The following TJP3 variants were observed in gnomAD, a reference collection of about 807,000 sequenced individuals.
The protein encoded by TJP3 is tight junction protein 3, also known as tight junction protein ZO-3.
In TJP3, 85 loss-of-function variants were observed where a neutral mutation model predicts 104.2. The observed-to-expected ratio is 0.82, with a 90% CI of 0.68 to 0.98. The LOEUF is 0.98. Among genes scored for constraint, TJP3 ranks in the 50% least tolerant of loss-of-function variants. The pLI is 0.00. For missense variants in TJP3, 1,367 were observed against 1,322.8 expected (o/e 1.03, Z -0.52); for synonymous variants, 550 against 550.6 (o/e 1.00, Z 0.02).
intron 15 of TJP3, among the ~76,000 whole-genome samples, chr19:3,745,133 CTTTTTTTTTTTTTTTTT>C (rs549831017): frequency 5.7e-5 from 4 of 70,042 alleles, no homozygotes; most frequent in Non-Finnish European, 9.8e-5. Flanking sequence ...AATTTTATGT[CTTTTTTTTTTTTTTTTT>C]TTTTTTTTTT....
In TJP3 at chr19:3,750,008, C is replaced by A. The variant is rs907941223; in HGVS notation, c.2611-130C>A. On this transcript the variant is annotated intron_variant, in intron 19 of 20. Coordinates refer to ENST00000541714, the MANE Select transcript of TJP3 (RefSeq NM_001267560.2). ...TTTAGATTTGGGGATGACCTGCAGA[C>A]TTGTCACGGGGTTAGCAAGTGGGCA... 4 of 1,171,432 alleles carry A rather than the reference C, an allele frequency of 3.4e-6. No individual in the cohort carries two copies. The African/African-American group carries it at 4.6e-5, about 13-fold the overall frequency. The allele number at this position is 1,171,432 out of a possible 1,614,324, so 72.6% of individuals were successfully genotyped here.
intron 20 of TJP3, among the ~76,000 whole-genome samples, 164 bp downstream of exon 20, chr19:3,750,348 G>A (rs576912379): frequency 1.3e-5 from 2 of 152,226 alleles, no homozygotes; most frequent in African/African-American, 4.8e-5. Context: ...TCAGGGCCAA[G>A]GGAGTAGGAA....
chr19:3,735,997 A>G, intron 10 of TJP3, 62 bp downstream of exon 10: 1 of 1,602,926 alleles, frequency 6.2e-7, no homozygotes, highest in African/African-American at 1.3e-5. Context: ...TGCCTCCCTC[A>G]TCAGCGCAAT....
In TJP3 at chr19:3,719,536, G is replaced by C. The variant is rs929242819; in HGVS notation, c.-9-8888G>C. ...TAATCACTTGAGGCCAGGAGTTCGA[G>C]ACCAGCCTGGCCAACATGGGGAAAC... On this transcript the variant is annotated intron_variant, in intron 1 of 20. Coordinates refer to ENST00000541714, the MANE Select transcript of TJP3 (RefSeq NM_001267560.2). Among the ~76,000 whole-genome samples the C allele has an allele frequency of 1.3e-5, 2 of 151,674 alleles. 1 individual carries two copies. The highest frequency in any genetic ancestry group is 4.8e-5 in the African/African-American group (2 of 41,248).
At chr19:3,718,455 G>T (rs1337667978) in intron 1 of TJP3, among the ~76,000 whole-genome samples, 10 of 104,884 alleles carry the variant, frequency 9.5e-5, no homozygotes, top group Admixed American at 3.1e-4. Flanking sequence ...TTTTCTTGCG[G>T]TTTTTTTTTT....
chr19:3,730,079 C>T lies in TJP3; in HGVS notation c.210C>T (p.Thr70=), dbSNP rs2036648491. Residue 70 remains threonine, a synonymous_variant, in exon 4 of 21, where the codon ACC becomes ACT. Coordinates refer to ENST00000541714, the MANE Select transcript of TJP3 (RefSeq NM_001267560.2). This position sits in a 1 kb window ranked among gnomAD's most constrained non-coding sequence, Gnocchi z 7.3. Reference sequence around the variant, plus strand: ...ACGGGGTTTCCATGGAGAATGCCACCTCCGCGTTTGCCATTCAGATACTCA... The same window carrying T: ...ACGGGGTTTCCATGGAGAATGCCACTTCCGCGTTTGCCATTCAGATACTCA... ...MVNGVSMENA[T]SAFAIQILKT... is the part of the protein sequence containing the mutation. 6.2e-7 allele frequency: 1 copy of T among 1,614,016 alleles called. No individual in the cohort carries two copies. Among genetic ancestry groups the T allele is most frequent in the Admixed American group, 1.7e-5 (1 of 59,984 alleles).
intron 1 of TJP3, among the ~76,000 whole-genome samples, chr19:3,719,897 G>T (rs928769932): frequency 2.0e-5 from 3 of 152,308 alleles, no homozygotes; most frequent in Admixed American, 2.0e-4. Context: ...AAAGGGAAGA[G>T]AACTACATGC....
At position 3,750,136 on chromosome 19, in the gene TJP3, A is replaced by C. The variant is rs1394197929; in HGVS notation, c.2611-2A>C. On this transcript the variant is annotated splice_acceptor_variant, in intron 19 of 20. Coordinates refer to ENST00000541714, the MANE Select transcript of TJP3 (RefSeq NM_001267560.2). LOFTEE classifies it high-confidence loss of function. ...GAAGCTCCTCTCTCCCTCTCCTCCA[A>C]GGTGGACAGCCGCCACCCCCAGGGA... 2 of 1,614,114 alleles carry C rather than the reference A, an allele frequency of 1.2e-6. No individual in the cohort carries two copies. Among genetic ancestry groups the C allele is most frequent in the Non-Finnish European group, 1.7e-6 (2 of 1,180,012 alleles).
chr19:3,745,911 G>A, intron 15 of TJP3, 100 bp from the exon 16 acceptor site: 1 of 964,336 alleles, frequency 1.0e-6, no homozygotes, highest in Non-Finnish European at 1.6e-6. Context: ...GCAATGGGGA[G>A]CCATGGTGGC....
chr19:3,710,263 C>T (rs765166058), intron 1 of TJP3, among the ~76,000 whole-genome samples: 11 of 144,272 alleles, frequency 7.6e-5, no homozygotes, highest in Non-Finnish European at 1.5e-4. Flanking sequence ...GGGGTCAAGA[C>T]GAGCTATCCC....
At chr19:3,714,063 T>C (rs946933302) in intron 1 of TJP3, among the ~76,000 whole-genome samples, 1 of 151,254 alleles carries the variant, frequency 6.6e-6, no homozygotes, top group Non-Finnish European at 1.5e-5. Context: ...TGTTGTTGTT[T>C]TGAGACAGAG....
intron 1 of TJP3, among the ~76,000 whole-genome samples, chr19:3,717,096 G>T (rs755785075): frequency 6.9e-6 from 1 of 145,958 alleles, no homozygotes; most frequent in South Asian, 2.3e-4. Flanking sequence ...CTCTCTAGTA[G>T]CTGGGATTAC....
At position 3,731,992 on chromosome 19, in the gene TJP3, TGGCTGCCCGGCACCGTG is replaced by T; in HGVS notation, c.678_694del (p.Arg227GlyfsTer13). On this transcript the variant is annotated frameshift_variant, in exon 6 of 21. Transcript: ENST00000541714. LOFTEE classifies it high-confidence loss of function. ...ATCAAGCACATTACAGATTCGGGCC[TGGCTGCCCGGCACCGTG>T]GGCTGCAGGAAGGAGATCTCATTCT... 6.2e-7 allele frequency: 1 copy of T among 1,613,650 alleles called. No individual in the cohort carries two copies. The highest frequency in any genetic ancestry group is 8.5e-7 in the Non-Finnish European group (1 of 1,179,876).
chr19:3,727,309 C>A (rs570815361), intron 1 of TJP3, among the ~76,000 whole-genome samples: 1 of 151,620 alleles, frequency 6.6e-6, no homozygotes, highest in Non-Finnish European at 1.5e-5. Context: ...AGTGAAACCC[C>A]GTCTCTACTA....
At chr19:3,727,198 G>T (rs983664621) in intron 1 of TJP3, among the ~76,000 whole-genome samples, 2 of 151,824 alleles carry the variant, frequency 1.3e-5, no homozygotes, top group Admixed American at 6.6e-5. Flanking sequence ...GATAGTACAT[G>T]TAAGGCTGGG....
rs143248425 is a variant in TJP3, at chr19:3,716,664, C to T, written c.-10+8103C>T. 1.4e-4 allele frequency among the ~76,000 whole-genome samples: 21 copies of T among 145,566 alleles called. No homozygotes were observed. In the East Asian group the frequency reaches 3.8e-3, roughly 26 times the overall value. On this transcript the variant is annotated intron_variant, in intron 1 of 20. Coordinates refer to ENST00000541714, the MANE Select transcript of TJP3 (RefSeq NM_001267560.2). ...TTTTTGAGACAGCGTCTAGCTCTGT[C>T]ACCCAGGCTGGAGTGCAAGGGCAAG...
At chr19:3,710,054 C>T (rs1398898334) in intron 1 of TJP3, among the ~76,000 whole-genome samples, 6 of 148,946 alleles carry the variant, frequency 4.0e-5, no homozygotes, top group Non-Finnish European at 4.4e-5. Context: ...GAGGCTGAGG[C>T]AGGAGAATTG....
At chr19:3,749,972 C>T (rs1262335715) in intron 19 of TJP3, among the ~76,000 whole-genome samples, 166 bp from the exon 20 acceptor site, 2 of 152,138 alleles carry the variant, frequency 1.3e-5, no homozygotes, top group Non-Finnish European at 2.9e-5. Context: ...ATCCCAGCCT[C>T]AGTTTTCTCA....
At position 3,746,957 on chromosome 19, in the gene TJP3, C is replaced by A; in HGVS notation, c.2322+81C>A. ...CCCAGCTGGGGTTTGGGGCCTCTGT[C>A]GGGAGTTAGGGCTTGGTCAGGGATC... On this transcript the variant is annotated intron_variant, in intron 18 of 20. Transcript: ENST00000541714. This position sits in a 1 kb window ranked among gnomAD's most constrained non-coding sequence, Gnocchi z 4.1. 1 of 1,370,000 alleles carries A rather than the reference C, an allele frequency of 7.3e-7. No homozygotes were observed. The highest frequency in any genetic ancestry group is 1.3e-5 in the South Asian group (1 of 79,784). 84.9% of individuals were successfully genotyped at this position (1,370,000 alleles called of 1,614,324 possible). A position where few individuals can be genotyped will look rare whatever the true frequency, so the allele number is the denominator to read the frequency against.
Sources: allele counts gnomAD v4.1 joint callset (sites outside exome capture counted in the v4.1 genomes callset), GRCh38; gene constraint gnomAD v4.1.1; non-coding constraint Gnocchi (gnomAD v3.1); transcripts MANE v1.5; gene names NCBI Gene and HGNC (gene_info 2026-07-23, HGNC 2026-07-21).